STK32C: variants seen among roughly 807,000 people sequenced by gnomAD.
The protein encoded by STK32C is serine/threonine kinase 32C.
Under a neutral mutation model 56.5 loss-of-function variants are expected in STK32C, and 31 were observed. That is an observed-to-expected ratio of 0.55 (90% CI 0.41 to 0.74). The LOEUF (loss-of-function observed/expected upper bound fraction) is 0.74. Ranked by LOEUF, STK32C falls within the 30% of genes least tolerant of loss-of-function variation. The pLI is 0.00. For missense variants in STK32C, 544 were observed against 676.9 expected, an observed-to-expected ratio of 0.80 and a Z score of 2.18; for synonymous variants, 309 against 289.4, an observed-to-expected ratio of 1.07 and a Z score of -0.69.
chr10:132,251,230 C>T (rs990896471), intron 1 of STK32C, among the ~76,000 whole-genome samples: 6 of 152,214 alleles, frequency 3.9e-5, no homozygotes, highest in African/African-American at 4.8e-5. Flanking sequence ...TACCCAGTTT[C>T]GCCTAGTCCC....
intron 2 of STK32C, among the ~76,000 whole-genome samples, chr10:132,240,742 G>A (rs1040268493): frequency 1.4e-4 from 21 of 152,008 alleles, no homozygotes; most frequent in Non-Finnish European, 1.9e-4. Flanking sequence ...TGAGGGGTGC[G>A]CAGGGCAGGG....
chr10:132,213,409 A>T (rs1230428052), intron 10 of STK32C, among the ~76,000 whole-genome samples: 2 of 152,132 alleles, frequency 1.3e-5, no homozygotes, highest in Non-Finnish European at 2.9e-5. Flanking sequence ...CAAGACGCAG[A>T]CTCTCTCTGA....
chr10:132,264,699 G>A (rs911564146), intron 1 of STK32C, among the ~76,000 whole-genome samples: 27 of 152,288 alleles, frequency 1.8e-4, no homozygotes, highest in Admixed American at 1.4e-3. Context: ...AGTGGGGCTC[G>A]CATGGGGCAC....
intron 1 of STK32C, among the ~76,000 whole-genome samples, chr10:132,267,533 G>T (rs946680735): frequency 1.3e-5 from 2 of 151,474 alleles, no homozygotes; most frequent in African/African-American, 4.9e-5. Flanking sequence ...GTGTGTGCAT[G>T]CATGTTCAGC....
intron 1 of STK32C, among the ~76,000 whole-genome samples, chr10:132,282,830 C>G (rs772600231): frequency 6.6e-6 from 1 of 152,198 alleles, no homozygotes; most frequent in Non-Finnish European, 1.5e-5. Context: ...GCTGCTGGAG[C>G]GAAGGGAAGA....
intron 1 of STK32C, among the ~76,000 whole-genome samples, chr10:132,266,926 G>A (rs2064555164): frequency 6.6e-6 from 1 of 152,106 alleles, no homozygotes; most frequent in Non-Finnish European, 1.5e-5. Context: ...CACTGGGGGT[G>A]GGGAGGGCTG....
chr10:132,267,145 C>A (rs929532373), intron 1 of STK32C, among the ~76,000 whole-genome samples: 1 of 152,106 alleles, frequency 6.6e-6, no homozygotes, highest in African/African-American at 2.4e-5. Context: ...ACCTGTGACA[C>A]GTGGGCCCTG....
rs56109103 is a variant in STK32C, at chr10:132,208,111, C to G, written c.1360G>C (p.Ala454Pro). 9.1e-5 allele frequency: 119 copies of G among 1,310,908 alleles called. 2 individuals carry two copies. The South Asian group carries it at 3.4e-3, about 37-fold the overall frequency. The allele number at this position is 1,310,908 out of a possible 1,614,324, so 81.2% of individuals were successfully genotyped here. ...TCCGCAGCATCCCTGGACTCAGGGG[C>G]GGGGAGAGGCTCCCTCGGGAGGTCC... The part of the protein sequence containing the change: ...SQDLPREPLP[A>P]PESRDAAEPV... Residue 454 changes from alanine (A) to proline (P), a missense_variant, in exon 12 of 12, where the codon GCC (alanine) becomes CCC (proline). Around this residue, in one of 3 missense-constraint regions of STK32C, gnomAD observed 277 missense variants for 309.3 expected, o/e 0.90. Transcript: ENST00000298630.
chr10:132,256,531 C>A (rs1049197770), intron 1 of STK32C, among the ~76,000 whole-genome samples: 1 of 152,230 alleles, frequency 6.6e-6, no homozygotes, highest in Non-Finnish European at 1.5e-5. Flanking sequence ...CTCCGGGTGG[C>A]AGAGGCTCAG....
intron 1 of STK32C, among the ~76,000 whole-genome samples, chr10:132,267,050 A>G (rs552189739): frequency 6.6e-6 from 1 of 152,088 alleles, no homozygotes; most frequent in African/African-American, 2.4e-5. Flanking sequence ...CAGTGGGGAG[A>G]CCCAAAGCTG....
chr10:132,209,641 C>T (rs920661886), intron 10 of STK32C, among the ~76,000 whole-genome samples: 1 of 149,494 alleles, frequency 6.7e-6, no homozygotes, highest in Admixed American at 6.7e-5. Context: ...CTTCAGGCAG[C>T]AGGACCACTT....
upstream of STK32C, chr10:132,331,917 C>CCCCCCACCGCAAGCGCACCT: frequency 2.7e-6 from 1 of 367,932 alleles, no homozygotes; most frequent in Admixed American, 5.5e-5. Flanking sequence ...CGCACCACAA[C>CCCCCCACCGCAAGCGCACCT]CCCCCCACCG....
In STK32C at chr10:132,297,578, C is replaced by T. The variant is rs550196043; in HGVS notation, c.262+9994G>A. 3.3e-5 allele frequency among the ~76,000 whole-genome samples: 5 copies of T among 152,366 alleles called. No individual in the cohort carries two copies. In the East Asian group the frequency reaches 9.6e-4, roughly 29 times the overall value. On this transcript the variant is annotated intron_variant, in intron 1 of 11. Coordinates refer to ENST00000298630, the MANE Select transcript of STK32C (RefSeq NM_173575.4). ...TCTTTTTCCCTCTTTCAGTCATGTG[C>T]TAACTTTACAGATTATCTTTTCTGC...
At chr10:132,265,154 G>A (rs115734255) in intron 1 of STK32C, among the ~76,000 whole-genome samples, 3,133 of 139,004 alleles carry the variant, frequency 0.023, 172 homozygotes, top group African/African-American at 0.077. Context: ...GGCTCTGGGG[G>A]AGCTGCCAGG....
intron 1 of STK32C, among the ~76,000 whole-genome samples, chr10:132,265,363 C>CT (rs2064481786): frequency 6.6e-6 from 1 of 152,220 alleles, no homozygotes; most frequent in Admixed American, 6.5e-5. Context: ...CAGCCCAGGC[C>CT]TGGCCCATCA....
intron 1 of STK32C, among the ~76,000 whole-genome samples, chr10:132,313,137 G>A (rs754216758): frequency 6.6e-6 from 1 of 152,220 alleles, no homozygotes; most frequent in Non-Finnish European, 1.5e-5. Flanking sequence ...CCCTTTTACG[G>A]TTTAGACACA....
chr10:132,234,432 T>A (rs2137802680), intron 2 of STK32C, among the ~76,000 whole-genome samples: 1 of 152,272 alleles, frequency 6.6e-6, no homozygotes, highest in East Asian at 1.9e-4. Context: ...TTTGCCCACT[T>A]CGCTTTTTCT....
intron 1 of STK32C, among the ~76,000 whole-genome samples, chr10:132,296,403 G>A (rs552735664): frequency 1.4e-4 from 21 of 152,100 alleles, no homozygotes; most frequent in South Asian, 4.2e-4. Context: ...CTCTAGTTAC[G>A]ACAAATGTAC....
In STK32C at chr10:132,264,439, G is replaced by T. The variant is rs576127627; in HGVS notation, c.263-18484C>A. Among the ~76,000 whole-genome samples, 3 of 152,000 alleles carry T rather than the reference G, an allele frequency of 2.0e-5. No homozygotes were observed. In the South Asian group the frequency reaches 6.2e-4, roughly 32 times the overall value. ...GGAGTAGGCGTTAGGTGGGCGGGACGCACAGGGAGCTGGGGACCTTGAGGA... is the reference window on the plus strand; with the variant it reads ...GGAGTAGGCGTTAGGTGGGCGGGACTCACAGGGAGCTGGGGACCTTGAGGA... On this transcript the variant is annotated intron_variant, in intron 1 of 11. Coordinates refer to ENST00000298630, the MANE Select transcript of STK32C (RefSeq NM_173575.4).
Sources: allele counts gnomAD v4.1 joint callset (sites outside exome capture counted in the v4.1 genomes callset), GRCh38; gene constraint gnomAD v4.1.1; regional missense constraint gnomAD v4.1.1; transcripts MANE v1.5; gene names NCBI Gene and HGNC (gene_info 2026-07-23, HGNC 2026-07-21).